The following SPIDR variants were observed in gnomAD, a reference collection of about 807,000 sequenced individuals.
SPIDR encodes the protein DNA repair-scaffolding protein.
In SPIDR, 93 loss-of-function variants were observed where a neutral mutation model predicts 104.6. The observed-to-expected ratio is 0.89, with a 90% CI of 0.75 to 1.06. The LOEUF (loss-of-function observed/expected upper bound fraction) is 1.06, where lower values mean the gene tolerates loss of function less well. SPIDR is among the 50% of genes least tolerant of loss of function. The probability of loss-of-function intolerance (pLI) is 0.00; values close to 1 mark genes in which losing one functional copy is unlikely to be tolerated. For missense variants in SPIDR, 1,154 were observed against 1,111.2 expected (o/e 1.04, Z -0.55); for synonymous variants, 431 against 416.9 (o/e 1.03, Z -0.41).
chr8:47,540,466 T>C (rs2087876035), intron 8 of SPIDR, among the ~76,000 whole-genome samples: 1 of 152,198 alleles, frequency 6.6e-6, no homozygotes, highest in Non-Finnish European at 1.5e-5. Flanking sequence ...AAATATATAA[T>C]TGCAAAATGA....
intron 8 of SPIDR, among the ~76,000 whole-genome samples, chr8:47,568,746 C>T (rs2058188604): frequency 6.6e-6 from 1 of 152,094 alleles, no homozygotes; most frequent in Non-Finnish European, 1.5e-5. Flanking sequence ...ACATCCCCGC[C>T]AAAAGGAAAG....
At chr8:47,681,285 G>A (rs141280846) in intron 11 of SPIDR, among the ~76,000 whole-genome samples, 1 of 152,276 alleles carries the variant, frequency 6.6e-6, no homozygotes, top group African/African-American at 2.4e-5. Flanking sequence ...CTTTAAGACT[G>A]GGGTTTTTTG....
intron 2 of SPIDR, 111 bp downstream of exon 2, chr8:47,280,128 C>A: frequency 9.1e-7 from 1 of 1,102,192 alleles, no homozygotes; most frequent in Non-Finnish European, 1.3e-6. Context: ...TTTCAGAACA[C>A]TGTAACTGGT....
chr8:47,727,506 T>G (rs1053542577), intron 17 of SPIDR, among the ~76,000 whole-genome samples: 1 of 152,104 alleles, frequency 6.6e-6, no homozygotes, highest in African/African-American at 2.4e-5. Flanking sequence ...GCTCCTGTTA[T>G]GAGATAGATG....
At chr8:47,464,917 C>T (rs2074530232) in intron 8 of SPIDR, among the ~76,000 whole-genome samples, 1 of 151,992 alleles carries the variant, frequency 6.6e-6, no homozygotes. Context: ...TAGAGGCATG[C>T]ACCACCACAC....
At chr8:47,292,575 G>A (rs1231801749) in intron 4 of SPIDR, among the ~76,000 whole-genome samples, 1 of 152,114 alleles carries the variant, frequency 6.6e-6, no homozygotes, top group Non-Finnish European at 1.5e-5. Flanking sequence ...TTTACCAATT[G>A]TCTAAAAGTT....
intron 9 of SPIDR, among the ~76,000 whole-genome samples, chr8:47,598,129 T>C (rs897909712): frequency 7.2e-5 from 11 of 152,220 alleles, no homozygotes; most frequent in Admixed American, 6.5e-4. Flanking sequence ...TTTTAACATA[T>C]AGTTTTAAAC....
intron 10 of SPIDR, among the ~76,000 whole-genome samples, chr8:47,640,065 C>T (rs942393460): frequency 1.3e-5 from 2 of 152,300 alleles, no homozygotes; most frequent in Non-Finnish European, 1.5e-5. Flanking sequence ...GAGCCACAGC[C>T]GACAGCAGGG....
At chr8:47,709,716 TAGTTAATTTCAA>T (rs1216333406) in intron 14 of SPIDR, among the ~76,000 whole-genome samples, 2 of 152,192 alleles carry the variant, frequency 1.3e-5, no homozygotes, top group African/African-American at 4.8e-5. Context: ...GACAATTTTA[TAGTTAATTTCAA>T]AGGAGATTAG....
chr8:47,386,638 C>T (rs187139057), intron 5 of SPIDR, among the ~76,000 whole-genome samples: 139 of 152,246 alleles, frequency 9.1e-4, no homozygotes, highest in Middle Eastern at 3.4e-3. Context: ...ATAGGACAGC[C>T]TCTCCCAGTA....
chr8:47,458,564 G>A (rs1456005525), intron 8 of SPIDR, among the ~76,000 whole-genome samples: 1 of 151,334 alleles, frequency 6.6e-6, no homozygotes, highest in African/African-American at 2.4e-5. Context: ...TTCTAGGTAT[G>A]CAATCATATC....
intron 10 of SPIDR, among the ~76,000 whole-genome samples, chr8:47,670,300 C>CA (rs911889893): frequency 3.3e-5 from 5 of 150,882 alleles, no homozygotes; most frequent in African/African-American, 4.9e-5. Context: ...GTGTATATAC[C>CA]AAAAAAAAGA....
chr8:47,421,097 C>T (rs80157708), intron 7 of SPIDR, among the ~76,000 whole-genome samples: 1 of 152,124 alleles, frequency 6.6e-6, no homozygotes, highest in Non-Finnish European at 1.5e-5. Flanking sequence ...CTTGGAGTTG[C>T]TCTTCTTGAA....
rs948653055 is a variant in SPIDR, at chr8:47,728,623, C to T, written c.2436-310C>T. Reference sequence around the variant, plus strand: ...GCAGCTGAGAGCAGACTTTCTCTTCCGGGCCAGGGGGCAGCCTGACCCCTG... The same window carrying T: ...GCAGCTGAGAGCAGACTTTCTCTTCTGGGCCAGGGGGCAGCCTGACCCCTG... On this transcript the variant is annotated intron_variant, in intron 17 of 19. Coordinates refer to ENST00000297423, the MANE Select transcript of SPIDR (RefSeq NM_001080394.4). 20 of 264,032 alleles carry T rather than the reference C, an allele frequency of 7.6e-5. No individual in the cohort carries two copies. In the Admixed American group the frequency reaches 8.3e-4, roughly 11 times the overall value. The allele number at this position is 264,032 out of a possible 1,614,324, so 16.4% of individuals were successfully genotyped here. A position where few individuals can be genotyped will look rare whatever the true frequency, so the allele number is the denominator to read the frequency against.
chr8:47,608,142 C>G (rs1032591522), intron 10 of SPIDR, among the ~76,000 whole-genome samples: 4 of 152,196 alleles, frequency 2.6e-5, no homozygotes, highest in African/African-American at 9.7e-5. Context: ...AACCACTCAT[C>G]TACTTTTTGT....
chr8:47,703,718 T>TTAGCTTACAGGCCTAGCCCACAGGCC, intron 14 of SPIDR, among the ~76,000 whole-genome samples: 1 of 152,366 alleles, frequency 6.6e-6, no homozygotes, highest in Middle Eastern at 3.4e-3. Flanking sequence ...AAAACCATAC[T>TTAGCTTACAGGCCTAGCCCACAGGCC]TAGCTTACAG....
chr8:47,436,861 G>A (rs2068427096), intron 7 of SPIDR, among the ~76,000 whole-genome samples: 4 of 152,162 alleles, frequency 2.6e-5, no homozygotes, highest in Admixed American at 2.6e-4. Context: ...ATGTTTTGTA[G>A]AAAGAGCTTT....
rs1269038094 is a variant in SPIDR, at chr8:47,701,701, C to T, written c.1774-20C>T. On this transcript the variant is annotated intron_variant, in intron 12 of 19. Transcript: ENST00000297423. ...CTTTTAACAATACATTCACCTTCTA[C>T]CTTTGTCTCATTTAAACAGATAAAA... The T allele has an allele frequency of 6.2e-7, 1 of 1,611,856 alleles. No homozygotes were observed. The highest frequency in any genetic ancestry group is 8.5e-7 in the Non-Finnish European group (1 of 1,178,936).
intron 8 of SPIDR, among the ~76,000 whole-genome samples, chr8:47,490,235 A>G (rs1232852266): frequency 6.6e-6 from 1 of 152,236 alleles, no homozygotes; most frequent in African/African-American, 2.4e-5. Context: ...CAGTCAACAG[A>G]CACATGAAAA....
Sources: allele counts gnomAD v4.1 joint callset (sites outside exome capture counted in the v4.1 genomes callset), GRCh38; gene constraint gnomAD v4.1.1; transcripts MANE v1.5; gene names NCBI Gene and HGNC (gene_info 2026-07-23, HGNC 2026-07-21).